The following LRRC69 variants were observed in gnomAD, a reference collection of about 807,000 sequenced individuals.
The protein encoded by LRRC69 is leucine-rich repeat-containing protein 69.
Under a neutral mutation model 37.8 loss-of-function variants are expected in LRRC69, and 42 were observed. The ratio of observed to expected loss-of-function variants is 1.11; its 90% confidence interval spans 0.87 to 1.44. LRRC69 has a LOEUF of 1.44. Among genes scored for constraint, LRRC69 ranks in the 40% most tolerant of loss-of-function variants. The pLI, the probability that LRRC69 is intolerant of heterozygous loss-of-function variation, is 0.00. For missense variants in LRRC69, 357 were observed against 401.9 expected (o/e 0.89, Z 0.96); for synonymous variants, 141 against 143.1 (o/e 0.99, Z 0.11).
intron 5 of LRRC69, among the ~76,000 whole-genome samples, chr8:91,151,614 G>T (rs780887266): frequency 6.6e-6 from 1 of 151,690 alleles, no homozygotes; most frequent in Non-Finnish European, 1.5e-5. Flanking sequence ...ATGTGTACAT[G>T]TATCTTTATA....
intron 5 of LRRC69, among the ~76,000 whole-genome samples, chr8:91,188,235 T>C (rs1177151378): frequency 6.6e-6 from 1 of 152,234 alleles, no homozygotes; most frequent in Non-Finnish European, 1.5e-5. Context: ...TGTGTAAGAT[T>C]TCCTGTACTT....
intron 1 of LRRC69, among the ~76,000 whole-genome samples, chr8:91,119,809 C>T (rs1813585352): frequency 6.6e-6 from 1 of 152,012 alleles, no homozygotes; most frequent in African/African-American, 2.4e-5. Context: ...AATTCATCTA[C>T]TTATCTGATC....
chr8:91,174,355 A>G (rs1809188442), intron 5 of LRRC69, among the ~76,000 whole-genome samples: 1 of 152,210 alleles, frequency 6.6e-6, no homozygotes, highest in Admixed American at 6.5e-5. Flanking sequence ...CCCTTAAAAC[A>G]TATAGTCTAA....
intron 1 of LRRC69, among the ~76,000 whole-genome samples, chr8:91,114,229 G>A (rs10111323): frequency 0.52 from 79,196 of 151,608 alleles, 21,339 homozygotes; most frequent in South Asian, 0.67. Flanking sequence ...AGTTGGTACA[G>A]TCATTATGGA....
At chr8:91,195,520 G>C (rs887969383) in intron 6 of LRRC69, among the ~76,000 whole-genome samples, 1 of 150,768 alleles carries the variant, frequency 6.6e-6, no homozygotes. Flanking sequence ...TTATGAATCT[G>C]GGTGCTCCTG....
chr8:91,149,155 G>A (rs1808680210), intron 5 of LRRC69, among the ~76,000 whole-genome samples: 1 of 151,900 alleles, frequency 6.6e-6, no homozygotes, highest in African/African-American at 2.4e-5. Flanking sequence ...TGGAGTCCTT[G>A]CCCATGCCCA....
chr8:91,128,411 C>G (rs963525450), intron 3 of LRRC69, among the ~76,000 whole-genome samples: 2 of 151,966 alleles, frequency 1.3e-5, no homozygotes, highest in Admixed American at 6.6e-5. Context: ...AATGCTTTCA[C>G]TGAAGAAAGT....
intron 7 of LRRC69, chr8:91,209,469 A>C (rs1052754292): frequency 6.6e-6 from 1 of 152,046 alleles, no homozygotes. Context: ...ATAAATAAAT[A>C]AAAAAGCCTG....
chr8:91,157,587 T>A, intron 5 of LRRC69: 1 of 1,543,994 alleles, frequency 6.5e-7, no homozygotes, highest in East Asian at 2.3e-5. Context: ...TGTTTACAAC[T>A]GCACCTGATC....
At chr8:91,128,186 G>A (rs904337522) in intron 3 of LRRC69, among the ~76,000 whole-genome samples, 3 of 151,930 alleles carry the variant, frequency 2.0e-5, no homozygotes, top group Non-Finnish European at 4.4e-5. Context: ...ATATCTCTGT[G>A]CAACTAGATT....
At chr8:91,158,340 T>C (rs1586254478) in intron 5 of LRRC69, 1 of 1,459,640 alleles carries the variant, frequency 6.9e-7, no homozygotes. Context: ...TTTCTAGTTT[T>C]TGATGAGAAT....
intron 6 of LRRC69, among the ~76,000 whole-genome samples, chr8:91,199,149 T>A (rs914494957): frequency 3.9e-5 from 6 of 152,236 alleles, no homozygotes; most frequent in African/African-American, 1.4e-4. Context: ...ATAATAAGAC[T>A]TGGCCATTGA....
At chr8:91,121,103 C>A (rs985026136) in intron 1 of LRRC69, among the ~76,000 whole-genome samples, 2 of 151,862 alleles carry the variant, frequency 1.3e-5, no homozygotes, top group Non-Finnish European at 2.9e-5. Context: ...AACATTCTGG[C>A]TCTTCATCCA....
chr8:91,126,445 G>A (rs1813714615), intron 2 of LRRC69, among the ~76,000 whole-genome samples: 1 of 152,010 alleles, frequency 6.6e-6, no homozygotes, highest in African/African-American at 2.4e-5. Flanking sequence ...TCACAAAGAA[G>A]TCTGGATCTC....
At chr8:91,134,950 T>G (rs1244066356) in intron 4 of LRRC69, among the ~76,000 whole-genome samples, 2 of 151,990 alleles carry the variant, frequency 1.3e-5, no homozygotes, top group East Asian at 3.9e-4. Flanking sequence ...ATGCAAAGAT[T>G]TGAAAAAGAC....
intron 6 of LRRC69, among the ~76,000 whole-genome samples, chr8:91,192,629 C>T (rs1809519385): frequency 6.6e-6 from 1 of 152,080 alleles, no homozygotes; most frequent in African/African-American, 2.4e-5. Context: ...TGTTTTTTGG[C>T]TGCATAAATG....
intron 5 of LRRC69, among the ~76,000 whole-genome samples, chr8:91,188,173 TG>T (rs1427793672): frequency 2.0e-5 from 3 of 152,216 alleles, no homozygotes; most frequent in Non-Finnish European, 4.4e-5. Flanking sequence ...GGACTCAAGG[TG>T]ATACCAACAT....
At chr8:91,118,243 G>T (rs371784769) in intron 1 of LRRC69, 3 of 454,930 alleles carry the variant, frequency 6.6e-6, no homozygotes, top group African/African-American at 4.0e-5. Context: ...GGTGGCTCAT[G>T]CCTGTAATCC....
Position 91,172,640 on chromosome 8 carries a change from C to T in LRRC69, c.652-16882C>T, listed in dbSNP as rs187162497. Among the ~76,000 whole-genome samples the T allele has an allele frequency of 2.2e-4, 34 of 152,006 alleles. No individual in the cohort carries two copies. In the East Asian group the frequency reaches 3.1e-3, roughly 14 times the overall value. On this transcript the variant is annotated intron_variant, in intron 5 of 7. Transcript: ENST00000448384. ...AAGCAATTATCCTGCCTCAGCCTCC[C>T]GAGTAGCTGGGACTACAGTCATGCA... is the stretch of plus-strand genomic sequence containing the variant.
Sources: gnomAD v4.1 joint callset for allele counts (sites outside exome capture counted in the v4.1 genomes callset) on GRCh38, gnomAD v4.1.1 for gene constraint, MANE v1.5 for transcripts, NCBI Gene and HGNC (gene_info 2026-07-23, HGNC 2026-07-21) for gene names.